The following USP37 variants were observed in gnomAD, a reference collection of about 807,000 sequenced individuals.
USP37 encodes the protein ubiquitin carboxyl-terminal hydrolase 37.
Under a neutral mutation model 124.0 loss-of-function variants are expected in USP37, and 27 were observed. That is an observed-to-expected ratio of 0.22 (90% confidence interval 0.16 to 0.30). The LOEUF is 0.30. Ranked by LOEUF, USP37 falls within the 10% of genes least tolerant of loss-of-function variation. USP37 has a pLI of 1.00. For missense variants in USP37, 889 were observed against 1,140.4 expected (o/e 0.78, Z 3.17); for synonymous variants, 365 against 388.0 (o/e 0.94, Z 0.70).
chr2:218,538,495 A>G (rs754352659), intron 8 of USP37, among the ~76,000 whole-genome samples: 1 of 152,218 alleles, frequency 6.6e-6, no homozygotes, highest in Non-Finnish European at 1.5e-5. Context: ...CTAAACAATC[A>G]GCAGGATAAC....
chr2:218,524,671 G>GC (rs1690855940), intron 10 of USP37, among the ~76,000 whole-genome samples: 1 of 152,094 alleles, frequency 6.6e-6, no homozygotes, highest in Admixed American at 6.6e-5. Context: ...GTGCAGTGGC[G>GC]CGTTTTCGGC....
intron 10 of USP37, among the ~76,000 whole-genome samples, chr2:218,511,112 A>T (rs973185893): frequency 6.6e-6 from 1 of 151,766 alleles, no homozygotes; most frequent in South Asian, 2.1e-4. Context: ...ATAGTTGTTT[A>T]CTCTTTTCTG....
chr2:218,532,466 CA>C (rs35277725), intron 9 of USP37, among the ~76,000 whole-genome samples: 67,848 of 114,926 alleles, frequency 0.59, 18,649 homozygotes, highest in East Asian at 0.85. Context: ...GACTCTGTCT[CA>C]AAAAAAAAAA....
Position 218,530,040 on chromosome 2 carries a change from C to A in USP37, c.779G>T (p.Gly260Val). ...LKQSEENRTSGLLPLQSSSFY... is the reference protein window; with the variant it reads ...LKQSEENRTSVLLPLQSSSFY... ...GGATGATGACTGTAAAGGTAAAAGC[C>A]CTATAAAACAAATGAACAAAGGAAA... Residue 260 changes from glycine (G) to valine (V), a missense_variant and splice_region_variant, in exon 10 of 26, where the codon GGG becomes GTG. Transcript: ENST00000258399. 1 of 1,590,916 alleles carries A rather than the reference C, an allele frequency of 6.3e-7. No homozygotes were observed. Among genetic ancestry groups the A allele is most frequent in the Non-Finnish European group, 8.5e-7 (1 of 1,173,818 alleles).
At chr2:218,461,776 C>T (rs940747154) in intron 22 of USP37, among the ~76,000 whole-genome samples, 11 of 151,934 alleles carry the variant, frequency 7.2e-5, no homozygotes, top group African/African-American at 2.2e-4. Flanking sequence ...GAGGCCGAGG[C>T]GGGTGGGTGA....
intron 17 of USP37, 29 bp downstream of exon 17, chr2:218,482,041 T>C: frequency 6.4e-7 from 1 of 1,562,138 alleles, no homozygotes; most frequent in Non-Finnish European, 8.7e-7. Flanking sequence ...CAAAAGGGAA[T>C]ATAAAGACAT....
intron 16 of USP37, among the ~76,000 whole-genome samples, chr2:218,484,937 T>C (rs1048620560): frequency 6.6e-6 from 1 of 152,240 alleles, no homozygotes; most frequent in Non-Finnish European, 1.5e-5. Flanking sequence ...ACAGAGCAGA[T>C]ACAATATAAG....
chr2:218,522,300 T>C (rs1477319444), intron 10 of USP37, among the ~76,000 whole-genome samples: 3 of 152,068 alleles, frequency 2.0e-5, no homozygotes, highest in African/African-American at 7.2e-5. Flanking sequence ...CACTGGCTCA[T>C]GCCTGTAAGC....
In USP37 at chr2:218,479,641, A is replaced by G. The variant is rs199561517; in HGVS notation, c.1901+9T>C. ...CACAGATTTTGGGTACATAAGAAAT[A>G]TAACTCACTTTGAAGGTGTAGAAGG... On this transcript the variant is annotated intron_variant, in intron 18 of 25. Coordinates refer to ENST00000258399, the MANE Select transcript of USP37 (RefSeq NM_020935.3). The G allele has an allele frequency of 3.1e-6, 5 of 1,611,954 alleles. No homozygotes were observed. Among genetic ancestry groups the G allele is most frequent in the East Asian group, 4.5e-5 (2 of 44,684 alleles).
At chr2:218,513,400 A>C (rs940658015) in intron 10 of USP37, among the ~76,000 whole-genome samples, 4 of 152,242 alleles carry the variant, frequency 2.6e-5, no homozygotes, top group African/African-American at 4.8e-5. Flanking sequence ...ACTGAAGTAT[A>C]GTTGACATAC....
At chr2:218,520,905 C>A (rs936599385) in intron 10 of USP37, among the ~76,000 whole-genome samples, 2 of 152,022 alleles carry the variant, frequency 1.3e-5, no homozygotes, top group African/African-American at 4.8e-5. Flanking sequence ...ATCATAATAC[C>A]CAATGTTGGA....
chr2:218,481,924 G>A (rs960803861), intron 17 of USP37, 146 bp downstream of exon 17: 3 of 949,658 alleles, frequency 3.2e-6, no homozygotes, highest in South Asian at 4.5e-5. Flanking sequence ...AAAGTGCTGG[G>A]ATTACAGGCA....
chr2:218,477,475 G>GC (rs1222949806), intron 18 of USP37, among the ~76,000 whole-genome samples: 1 of 152,116 alleles, frequency 6.6e-6, no homozygotes, highest in Non-Finnish European at 1.5e-5. Flanking sequence ...AAGAAAAAAG[G>GC]CTTCTGAGGA....
chr2:218,475,186 CTAAG>C (rs775035795), intron 19 of USP37, among the ~76,000 whole-genome samples: 34 of 152,094 alleles, frequency 2.2e-4, no homozygotes, highest in Middle Eastern at 6.8e-3. Flanking sequence ...GATAATTACT[CTAAG>C]TATTTTCAAT....
At chr2:218,551,839 C>A (rs975916852) in intron 5 of USP37, among the ~76,000 whole-genome samples, 2 of 151,652 alleles carry the variant, frequency 1.3e-5, no homozygotes, top group Non-Finnish European at 2.9e-5. Context: ...GTAGCCCAGG[C>A]TGGAGTGCAG....
intron 8 of USP37, among the ~76,000 whole-genome samples, chr2:218,545,870 A>C (rs1404838385): frequency 6.6e-6 from 1 of 151,564 alleles, no homozygotes; most frequent in Non-Finnish European, 1.5e-5. Context: ...AAAAAGTAAA[A>C]ATTTTTTTTT....
rs372179882 is a variant in USP37 at position 218,474,662 on chromosome 2, T to G, written c.2267A>C (p.Glu756Ala). The change falls in exon 20 of 26, where the codon GAA becomes GCA. Residue 756 changes from glutamate to alanine, a missense_variant. Glu to Ala is a moderately radical substitution (Grantham distance 107). Around this residue, in one of 3 missense-constraint regions of USP37, gnomAD observed 504 missense variants for 714.3 expected, o/e 0.71. Transcript: ENST00000258399. ...QEMPENPDTM[E>A]TEKPKTITEL... is the part of the protein sequence containing the mutation. ...TGTGATTGTTTTGGGCTTCTCAGTT[T>G]CCATAGTGTCTGGATTTTCTGGCAT... 2 of 1,614,102 alleles carry G rather than the reference T, an allele frequency of 1.2e-6. No individual in the cohort carries two copies. The highest frequency in any genetic ancestry group is 1.7e-6 in the Non-Finnish European group (2 of 1,180,044).
At chr2:218,559,229 T>C (rs1312447762) in intron 3 of USP37, among the ~76,000 whole-genome samples, 1 of 152,126 alleles carries the variant, frequency 6.6e-6, no homozygotes. Context: ...GAGGATCACT[T>C]GAGCACAGGA....
At chr2:218,520,271 A>G (rs1167217199) in intron 10 of USP37, among the ~76,000 whole-genome samples, 1 of 150,206 alleles carries the variant, frequency 6.7e-6, no homozygotes, top group Admixed American at 6.6e-5. Flanking sequence ...TATATTTGTT[A>G]ATTTTTTTTC....
Sources: allele counts gnomAD v4.1 joint callset (sites outside exome capture counted in the v4.1 genomes callset), GRCh38; gene constraint gnomAD v4.1.1; regional missense constraint gnomAD v4.1.1; transcripts MANE v1.5; gene names NCBI Gene and HGNC (gene_info 2026-07-23, HGNC 2026-07-21).